GFM2: variants seen among roughly 807,000 people sequenced by gnomAD.
The protein encoded by GFM2 is GTP dependent ribosome recycling factor mitochondrial 2.
GFM2 carries 72 observed loss-of-function variants against 95.4 expected under a neutral mutation model. The ratio of observed to expected loss-of-function variants is 0.76; its 90% CI spans 0.62 to 0.92. The LOEUF is 0.92. Ranked by LOEUF, GFM2 falls within the 40% of genes least tolerant of loss-of-function variation. The pLI is 0.00. For synonymous variants in GFM2, 276 were observed against 317.5 expected (o/e 0.87, Z 1.39); for missense variants, 825 against 924.1 (o/e 0.89, Z 1.39).
rs757708241 is a variant in GFM2, at chr5:74,732,978, A to ACACACACT, written c.1587+43_1587+44insAGTGTGTG. The ACACACACT allele has an allele frequency of 6.2e-4, 584 of 946,538 alleles. 4 individuals carry two copies. The African/African-American group carries it at 9.5e-3, about 15-fold the overall frequency. 58.6% of individuals were successfully genotyped at this position (946,538 alleles called of 1,614,324 possible). Reference sequence around the variant, plus strand: ...CACACACACACACACACACACACACACTCTTATAGAAAGGCTTCTGGAGTT... The same window carrying ACACACACT: ...CACACACACACACACACACACACACACACACACTCTCTTATAGAAAGGCTTCTGGAGTT... On this transcript the variant is annotated intron_variant, in intron 16 of 20. Transcript: ENST00000296805.
intron 17 of GFM2, among the ~76,000 whole-genome samples, chr5:74,729,815 T>C (rs1750329034): frequency 6.6e-6 from 1 of 152,132 alleles, no homozygotes; most frequent in Non-Finnish European, 1.5e-5. Context: ...ATTGTGAGTT[T>C]TTACATTTGG....
intron 14 of GFM2, 100 bp downstream of exon 14, chr5:74,738,218 G>T: frequency 1.2e-6 from 1 of 819,824 alleles, no homozygotes; most frequent in Non-Finnish European, 2.0e-6. Context: ...TACTATTGAT[G>T]GACATTTGGA....
chr5:74,748,297 TAC>T (rs1743493264), intron 7 of GFM2, among the ~76,000 whole-genome samples: 1 of 152,196 alleles, frequency 6.6e-6, no homozygotes, highest in African/African-American at 2.4e-5. Context: ...TACAATAAAG[TAC>T]AGATATTAAG....
At chr5:74,741,678 C>A in intron 10 of GFM2, 69 bp from the exon 11 acceptor site, 2 of 755,088 alleles carry the variant, frequency 2.6e-6, no homozygotes, top group Non-Finnish European at 4.4e-6. Flanking sequence ...TGTCCAAACA[C>A]CATAAACAGA....
Position 74,736,710 on chromosome 5 carries a change from A to G in GFM2, c.1510+86T>C, listed in dbSNP as rs549510860. The stretch of plus-strand genomic sequence containing the variant: ...TTCAGATAAAATTTACCTCAATCAC[A>G]TAAGAAATCTCTTGAGGGTATATTG... On this transcript the variant is annotated intron_variant, in intron 15 of 20. Coordinates refer to ENST00000296805, the MANE Select transcript of GFM2 (RefSeq NM_032380.5). 3.8e-6 allele frequency: 6 copies of G among 1,567,362 alleles called. No homozygotes were observed. In the East Asian group the frequency reaches 1.1e-4, roughly 30 times the overall value.
chr5:74,760,915 G>T lies in GFM2; in HGVS notation c.135C>A (p.Cys45Ter). Residue 45 changes from cysteine (C) to a stop codon, truncating the protein, a stop_gained, in exon 3 of 21, where the codon TGC (cysteine) becomes TGA (stop). Coordinates refer to ENST00000296805, the MANE Select transcript of GFM2 (RefSeq NM_032380.5). LOFTEE classifies it high-confidence loss of function. ...LKPHVPLGRN[C>*]SSLPGLIGND... ...TAACATTTGTACCTGGTAGAGAACT[G>T]CAATTTCTTCCAAGCGGCACATGTG... 4 of 1,604,224 alleles carry T rather than the reference G, an allele frequency of 2.5e-6. No individual in the cohort carries two copies. Among genetic ancestry groups the T allele is most frequent in the Non-Finnish European group, 3.4e-6 (4 of 1,171,830 alleles).
Position 74,721,526 on chromosome 5 carries a change from C to A in GFM2, c.*129G>T. 6.7e-6 allele frequency: 7 copies of A among 1,046,858 alleles called. No individual in the cohort carries two copies. Among genetic ancestry groups the A allele is most frequent in the Non-Finnish European group, 1.0e-5 (7 of 692,624 alleles). The allele number at this position is 1,046,858 out of a possible 1,614,324, so 64.8% of individuals were successfully genotyped here. On this transcript the variant is annotated 3_prime_UTR_variant, in exon 21 of 21. Transcript: ENST00000296805. Reference sequence around the variant, plus strand: ...GCCACTATCAAAGCTTAAGTTATATCTTTTATCTAGTTCTCTGAATGTACT... The same window carrying A: ...GCCACTATCAAAGCTTAAGTTATATATTTTATCTAGTTCTCTGAATGTACT...
At chr5:74,764,666 T>G (rs1744452034) in intron 1 of GFM2, among the ~76,000 whole-genome samples, 1 of 152,032 alleles carries the variant, frequency 6.6e-6, no homozygotes, top group Non-Finnish European at 1.5e-5. Context: ...TTACTACTCC[T>G]AAGTCTGTTC....
intron 17 of GFM2, among the ~76,000 whole-genome samples, chr5:74,729,148 A>G (rs1750296920): frequency 6.6e-6 from 1 of 152,140 alleles, no homozygotes; most frequent in Non-Finnish European, 1.5e-5. Flanking sequence ...ACTTTACACT[A>G]AAGAACTAAG....
In GFM2 at chr5:74,759,384, T is replaced by C. The variant is rs957680; in HGVS notation, c.191A>G (p.Asn64Ser). Residue 64 changes from asparagine to serine, a missense_variant, in exon 4 of 21, where the codon AAT (asparagine) becomes AGT (serine). Physicochemically the swap from Asn to Ser is conservative, Grantham distance 46 (BLOSUM62 1). Coordinates refer to ENST00000296805, the MANE Select transcript of GFM2 (RefSeq NM_032380.5). ...NDIKSLHSII[N>S]PPIAKIRNIG... ...TAGTACTTACTTAGCTATGGGAGGA[T>C]TGATGATGGAATGAAGGGATTTGAT... 182,657 of 1,525,110 alleles carry C rather than the reference T, an allele frequency of 0.12. 13,323 individuals carry two copies. The highest frequency in any genetic ancestry group is 0.32 in the African/African-American group (22,847 of 71,498). 94.5% of individuals were successfully genotyped at this position (1,525,110 alleles called of 1,614,324 possible).
intron 2 of GFM2, among the ~76,000 whole-genome samples, chr5:74,763,190 A>C (rs1403928878): frequency 2.0e-5 from 3 of 152,242 alleles, no homozygotes; most frequent in African/African-American, 7.2e-5. Context: ...TTCCTGAGAC[A>C]AATATCAGAC....
intron 11 of GFM2, 59 bp downstream of exon 11, chr5:74,741,470 A>G: frequency 1.3e-6 from 1 of 799,056 alleles, no homozygotes; most frequent in East Asian, 2.6e-5. Context: ...AAAGGCAGAG[A>G]AATCAAACTA....
chr5:74,737,629 G>C (rs1742900232), intron 14 of GFM2, among the ~76,000 whole-genome samples: 1 of 152,118 alleles, frequency 6.6e-6, no homozygotes, highest in African/African-American at 2.4e-5. Context: ...CCAGTGACCA[G>C]CCTATAGGAA....
At chr5:74,746,700 T>C (rs1262234835) in intron 8 of GFM2, among the ~76,000 whole-genome samples, 2 of 152,194 alleles carry the variant, frequency 1.3e-5, no homozygotes, top group South Asian at 2.1e-4. Flanking sequence ...CTGATTTACA[T>C]GCAGGTCATT....
At chr5:74,732,944 ACAC>A in intron 16 of GFM2, 75 bp downstream of exon 16, 1 of 704,884 alleles carries the variant, frequency 1.4e-6, no homozygotes, top group Non-Finnish European at 2.5e-6. Context: ...ACACACACAC[ACAC>A]ACACACACAC....
At chr5:74,756,440 T>C (rs1743986981) in intron 5 of GFM2, among the ~76,000 whole-genome samples, 1 of 152,206 alleles carries the variant, frequency 6.6e-6, no homozygotes. Context: ...CACTCATTGA[T>C]TGGCATTTGG....
At chr5:74,743,214 C>T (rs1743199932) in intron 10 of GFM2, among the ~76,000 whole-genome samples, 1 of 152,108 alleles carries the variant, frequency 6.6e-6, no homozygotes, top group African/African-American at 2.4e-5. Flanking sequence ...CTGCTAAGAA[C>T]ATGTGTGTGC....
intron 14 of GFM2, 112 bp downstream of exon 14, chr5:74,738,206 T>A: frequency 1.3e-6 from 1 of 755,600 alleles, no homozygotes; most frequent in South Asian, 1.8e-5. Flanking sequence ...TATTCTTTAT[T>A]CTACTATTGA....
intron 12 of GFM2, 37 bp from the exon 13 acceptor site, chr5:74,738,679 C>T (rs1343157546): frequency 1.3e-6 from 2 of 1,576,518 alleles, no homozygotes; most frequent in Non-Finnish European, 8.6e-7. Context: ...CTATAAAATA[C>T]ACTTCCCATA....
Sources: gnomAD v4.1 joint callset for allele counts (sites outside exome capture counted in the v4.1 genomes callset) on GRCh38, gnomAD v4.1.1 for gene constraint, MANE v1.5 for transcripts, NCBI Gene and HGNC (gene_info 2026-07-23, HGNC 2026-07-21) for gene names.